The following PBRM1 variants were observed in gnomAD, a reference collection of about 807,000 sequenced individuals.
The protein encoded by PBRM1 is polybromo 1.
Under a neutral mutation model 194.5 loss-of-function variants are expected in PBRM1, and 27 were observed. That is an observed-to-expected ratio of 0.14 (90% CI 0.10 to 0.19). PBRM1 has a LOEUF of 0.19. PBRM1 is among the 10% of genes least tolerant of loss of function. The pLI, the probability that PBRM1 is intolerant of heterozygous loss-of-function variation, is 1.00. For missense variants in PBRM1, 1,466 were observed against 2,077.2 expected (o/e 0.71, Z 5.72); for synonymous variants, 655 against 693.2 (o/e 0.94, Z 0.87).
intron 3 of PBRM1, 100 bp downstream of exon 4, chr3:52,668,398 A>G: frequency 1.3e-6 from 1 of 772,418 alleles, no homozygotes; most frequent in Non-Finnish European, 2.1e-6. Context: ...AGCCACAAAA[A>G]GAAACTACTA....
intron 13 of PBRM1, among the ~76,000 whole-genome samples, chr3:52,618,387 G>T (rs749984882): frequency 3.3e-5 from 5 of 152,100 alleles, no homozygotes; most frequent in Admixed American, 6.6e-5. Context: ...TGGCTCAGAG[G>T]GGGTAAAAGA....
At chr3:52,552,299 C>T (rs1386194999) in intron 27 of PBRM1, among the ~76,000 whole-genome samples, 2 of 152,286 alleles carry the variant, frequency 1.3e-5, no homozygotes, top group East Asian at 3.9e-4. Flanking sequence ...TCTGCTTCCT[C>T]TATTGACAAA....
At chr3:52,685,837 C>T, upstream of PBRM1, 1 of 478,212 alleles carries the variant, frequency 2.1e-6, no homozygotes. Context: ...TATTGCTCCT[C>T]CGGCCGCGGC....
chr3:52,639,938 A>C (rs1560645084), intron 10 of PBRM1, among the ~76,000 whole-genome samples: 1 of 152,186 alleles, frequency 6.6e-6, no homozygotes, highest in Non-Finnish European at 1.5e-5. Context: ...ACTTACATGA[A>C]GAAGTGTGTT....
chr3:52,556,596 T>C (rs2082272727), intron 26 of PBRM1, among the ~76,000 whole-genome samples: 1 of 152,246 alleles, frequency 6.6e-6, no homozygotes, highest in Non-Finnish European at 1.5e-5. Context: ...AAACTGTACT[T>C]TGGCATTTAT....
rs1300640196 is a variant in PBRM1 at position 52,609,087 on chromosome 3, C to G, written c.2567+226G>C. ...CTTTTCAAGAGATTTTCAATTTTGT[C>G]TTCCTCCTCACTGGCCTTAAACTAG... On this transcript the variant is annotated intron_variant, in intron 16 of 29. Coordinates refer to ENST00000296302, the Ensembl canonical transcript of PBRM1. This position sits in a 1 kb window ranked among gnomAD's most constrained non-coding sequence, Gnocchi z 4.1. The G allele has an allele frequency of 7.7e-5, 32 of 415,794 alleles. No homozygotes were observed. Among genetic ancestry groups the G allele is most frequent in the Middle Eastern group, 6.5e-4 (1 of 1,534 alleles). The allele number at this position is 415,794 out of a possible 1,614,324, so 25.8% of individuals were successfully genotyped here. A position where few individuals can be genotyped will look rare whatever the true frequency, so the allele number is the denominator to read the frequency against.
Position 52,609,043 on chromosome 3 carries a change from G to T in PBRM1, c.2567+270C>A. On this transcript the variant is annotated intron_variant, in intron 16 of 29. Coordinates refer to ENST00000296302, the Ensembl canonical transcript of PBRM1. The surrounding 1 kb of genome is among the most constrained non-coding windows in gnomAD (Gnocchi z 4.1). ...TTTTAAAAAACACATTCTATGAAAG[G>T]CTGTATTTTAAGTTTATGCTTTTCA... 2.8e-6 allele frequency: 1 copy of T among 352,776 alleles called. No individual in the cohort carries two copies. The highest frequency in any genetic ancestry group is 5.1e-5 in the South Asian group (1 of 19,516). The allele number at this position is 352,776 out of a possible 1,614,324, so 21.9% of individuals were successfully genotyped here.
At chr3:52,683,993 T>A (rs1467942564), upstream of PBRM1, among the ~76,000 whole-genome samples, 2 of 151,804 alleles carry the variant, frequency 1.3e-5, no homozygotes, top group African/African-American at 4.8e-5. Flanking sequence ...TAACATAGAT[T>A]GATCTTTTCT....
At chr3:52,685,861 T>C (rs963214033), upstream of PBRM1, 37 of 514,016 alleles carry the variant, frequency 7.2e-5, no homozygotes, top group African/African-American at 6.6e-4. Context: ...TGCCGTCGCT[T>C]CGGCACCCGC....
chr3:52,561,710 T>C, intron 25 of PBRM1, 57 bp downstream of exon 27: 4 of 1,436,374 alleles, frequency 2.8e-6, no homozygotes, highest in Middle Eastern at 2.4e-4. Context: ...TCTGTGCGCG[T>C]GCATTCCTGA....
chr3:52,637,771 T>TACAAAAAAAAAAAAAAAAAAA (rs2095876245), intron 10 of PBRM1, among the ~76,000 whole-genome samples: 1 of 20,988 alleles, frequency 4.8e-5, no homozygotes, highest in Non-Finnish European at 1.0e-4. Context: ...CTACTAAAAA[T>TACAAAAAAAAAAAAAAAAAAA]ACAAAAAAAA....
intron 22 of PBRM1, among the ~76,000 whole-genome samples, chr3:52,573,101 G>A (rs1487500851): frequency 6.6e-6 from 1 of 152,142 alleles, no homozygotes; most frequent in Non-Finnish European, 1.5e-5. Flanking sequence ...AAGTGTGCCA[G>A]CTAGCTGTAG....
chr3:52,643,437 T>C, intron 8 of PBRM1, 94 bp from the exon 10 acceptor site: 1 of 795,820 alleles, frequency 1.3e-6, no homozygotes, highest in Non-Finnish European at 2.2e-6. Flanking sequence ...TCTTCTCTTC[T>C]AAATAGAAAT....
chr3:52,622,079 C>T (rs2095299615), intron 13 of PBRM1, among the ~76,000 whole-genome samples: 1 of 151,590 alleles, frequency 6.6e-6, no homozygotes, highest in Admixed American at 6.6e-5. Flanking sequence ...GTGGCTCACA[C>T]ATGTAATCCC....
chr3:52,581,420 G>T (rs1219275712), intron 20 of PBRM1, among the ~76,000 whole-genome samples: 1 of 150,952 alleles, frequency 6.6e-6, no homozygotes, highest in African/African-American at 2.4e-5. Flanking sequence ...TGAGACACAA[G>T]AATTGCTTGA....
chr3:52,664,195 T>C (rs2096782135), intron 3 of PBRM1, among the ~76,000 whole-genome samples: 1 of 151,734 alleles, frequency 6.6e-6, no homozygotes, highest in Non-Finnish European at 1.5e-5. Context: ...GAATAGCCAG[T>C]GCACTCCAGC....
At chr3:52,617,230 G>A in intron 14 of PBRM1, 32 bp downstream of exon 16, 4 of 1,590,158 alleles carry the variant, frequency 2.5e-6, no homozygotes, top group Non-Finnish European at 3.4e-6. Context: ...CCCGCAAAAT[G>A]TGCCTACTTC....
chr3:52,563,001 G>A (rs1414262214), intron 24 of PBRM1, among the ~76,000 whole-genome samples: 5 of 152,092 alleles, frequency 3.3e-5, no homozygotes, highest in Non-Finnish European at 7.4e-5. Context: ...ACAAGGAAGA[G>A]TCTTCTAACT....
chr3:52,590,900 G>A (rs928953929), intron 17 of PBRM1, among the ~76,000 whole-genome samples: 1 of 152,206 alleles, frequency 6.6e-6, no homozygotes, highest in Non-Finnish European at 1.5e-5. Flanking sequence ...CATGAGCATG[G>A]AATGTTTTCC....
Sources: gnomAD v4.1 joint callset for allele counts (sites outside exome capture counted in the v4.1 genomes callset) on GRCh38, gnomAD v4.1.1 for gene constraint, Gnocchi (gnomAD v3.1) non-coding constraint, MANE v1.5 for transcripts, NCBI Gene and HGNC (gene_info 2026-07-23, HGNC 2026-07-21) for gene names.